The following SKIC3 variants were observed in gnomAD, a reference collection of about 807,000 sequenced individuals.
The protein encoded by SKIC3 is superkiller complex protein 3.
At chr5:95,512,095 C>T in the SKIC3 span, among the ~76,000 whole-genome samples, 5 of 152,114 alleles carry the variant, frequency 3.3e-5, no homozygotes, top group East Asian at 9.6e-4. Context: ...ATTGTTATAT[C>T]CACTATCCAG....
the SKIC3 span, among the ~76,000 whole-genome samples, chr5:95,535,174 C>A: frequency 6.6e-6 from 1 of 152,178 alleles, no homozygotes; most frequent in South Asian, 2.1e-4. Flanking sequence ...CTTTATACTC[C>A]ACTCACTATA....
At chr5:95,524,858 G>A in the SKIC3 span, among the ~76,000 whole-genome samples, 1 of 152,034 alleles carries the variant, frequency 6.6e-6, no homozygotes, top group Non-Finnish European at 1.5e-5. Flanking sequence ...CATCTGCTTA[G>A]TGAACATTAT....
chr5:95,473,757 G>T, the SKIC3 span, among the ~76,000 whole-genome samples: 2 of 152,092 alleles, frequency 1.3e-5, no homozygotes, highest in Non-Finnish European at 2.9e-5. Context: ...GTTTGTTAAT[G>T]GGGTTATGCT....
At chr5:95,529,539 G>A in the SKIC3 span, among the ~76,000 whole-genome samples, 2 of 152,014 alleles carry the variant, frequency 1.3e-5, no homozygotes, top group Non-Finnish European at 2.9e-5. Flanking sequence ...CTCAAACCCT[G>A]GTGAACTACC....
At chr5:95,464,924 C>CTTTTTTT in the SKIC3 span, among the ~76,000 whole-genome samples, 402 of 106,996 alleles carry the variant, frequency 3.8e-3, 9 homozygotes, top group South Asian at 4.1e-3. Context: ...ATTCTGATTG[C>CTTTTTTT]TTTTTTTTTT....
chr5:95,480,635 A>G, the SKIC3 span, among the ~76,000 whole-genome samples: 1 of 152,316 alleles, frequency 6.6e-6, no homozygotes, highest in Middle Eastern at 3.4e-3. Context: ...CTTTGGCAGG[A>G]TCTACTAAAT....
At chr5:95,510,495 T>A in the SKIC3 span, among the ~76,000 whole-genome samples, 10 of 152,314 alleles carry the variant, frequency 6.6e-5, no homozygotes, top group African/African-American at 1.2e-4. Flanking sequence ...CCCCAAATTG[T>A]TCCTGGGGAT....
At chr5:95,500,365 C>T in the SKIC3 span, among the ~76,000 whole-genome samples, 1 of 152,306 alleles carries the variant, frequency 6.6e-6, no homozygotes, top group African/African-American at 2.4e-5. Flanking sequence ...CAAACAATGT[C>T]ATTATGCTCT....
chr5:95,510,113 T>C, the SKIC3 span, among the ~76,000 whole-genome samples: 1 of 152,216 alleles, frequency 6.6e-6, no homozygotes, highest in Non-Finnish European at 1.5e-5. Context: ...GTCAGTATTG[T>C]ACACTAGAAA....
chr5:95,539,252 GA>G, the SKIC3 span, among the ~76,000 whole-genome samples: 143 of 146,972 alleles, frequency 9.7e-4, no homozygotes, highest in Middle Eastern at 3.6e-3. Context: ...AAATTAGCAA[GA>G]AAAAAAAACA....
chr5:95,490,610 G>A, the SKIC3 span, among the ~76,000 whole-genome samples: 2 of 151,018 alleles, frequency 1.3e-5, no homozygotes, highest in African/African-American at 4.9e-5. Context: ...CCATTCTCCT[G>A]CCTCAGCCTC....
the SKIC3 span, among the ~76,000 whole-genome samples, chr5:95,519,344 G>C: frequency 6.6e-6 from 1 of 151,908 alleles, no homozygotes; most frequent in Non-Finnish European, 1.5e-5. Context: ...TATGTTACTG[G>C]CAGATGGAAA....
the SKIC3 span, among the ~76,000 whole-genome samples, chr5:95,545,497 T>C: frequency 6.6e-6 from 1 of 152,150 alleles, no homozygotes; most frequent in Non-Finnish European, 1.5e-5. Flanking sequence ...GTCAGCCAAG[T>C]TCCTTCCATA....
chr5:95,521,242 A>G, the SKIC3 span: 1 of 155,938 alleles, frequency 6.4e-6, no homozygotes, highest in Non-Finnish European at 1.4e-5. Flanking sequence ...TGAAATAGTG[A>G]TTACCTAAAG....
At chr5:95,553,872 T>G in the SKIC3 span, among the ~76,000 whole-genome samples, 1 of 152,240 alleles carries the variant, frequency 6.6e-6, no homozygotes, top group African/African-American at 2.4e-5. Flanking sequence ...TTTACGTTTT[T>G]GCATGCTCCC....
chr5:95,524,613 A>C, the SKIC3 span: 1 of 1,612,584 alleles, frequency 6.2e-7, no homozygotes. Flanking sequence ...AAGGGTAATA[A>C]AAAGAAATAG....
chr5:95,528,585 T>G, the SKIC3 span, among the ~76,000 whole-genome samples: 7 of 152,304 alleles, frequency 4.6e-5, no homozygotes, highest in East Asian at 1.3e-3. Context: ...TCAGAAACAG[T>G]GAACCACTTT....
the SKIC3 span, among the ~76,000 whole-genome samples, chr5:95,483,552 C>A: frequency 6.6e-6 from 1 of 152,134 alleles, no homozygotes; most frequent in Non-Finnish European, 1.5e-5. Context: ...ATGTATCACT[C>A]TGCTTTTCAT....
At chr5:95,492,699 T>TAAAAAAA in the SKIC3 span, among the ~76,000 whole-genome samples, 6 of 68,432 alleles carry the variant, frequency 8.8e-5, no homozygotes, top group Non-Finnish European at 1.7e-4. Flanking sequence ...ACAAGACAAC[T>TAAAAAAA]AAACTAGATA....
Sources: gnomAD v4.1 joint callset for allele counts (sites outside exome capture counted in the v4.1 genomes callset) on GRCh38, gnomAD v4.1.1 for gene constraint, MANE v1.5 for transcripts, NCBI Gene and HGNC (gene_info 2026-07-23, HGNC 2026-07-21) for gene names.